Variants in CEP135 observed in about 807,000 individuals in gnomAD.
CEP135 encodes the protein centrosomal protein of 135 kDa.
Under a neutral mutation model 157.3 loss-of-function variants are expected in CEP135, and 142 were observed. That is an observed-to-expected ratio of 0.90 (90% CI 0.79 to 1.04). CEP135 has a LOEUF of 1.04. Ranked by LOEUF, CEP135 falls within the 50% of genes least tolerant of loss-of-function variation. CEP135 has a pLI of 0.00. For missense variants in CEP135, 1,317 were observed against 1,309.2 expected (o/e 1.01, Z -0.09); for synonymous variants, 396 against 439.8 (o/e 0.90, Z 1.25).
chr4:55,965,975 T>G (rs1245313107), intron 8 of CEP135, 116 bp downstream of exon 8: 1 of 845,272 alleles, frequency 1.2e-6, no homozygotes, highest in East Asian at 2.7e-5. Context: ...TGTGTCTGTT[T>G]TTGTTTTTTT....
At chr4:55,971,777 C>T (rs1172394663) in intron 10 of CEP135, among the ~76,000 whole-genome samples, 1 of 152,120 alleles carries the variant, frequency 6.6e-6, no homozygotes, top group African/African-American at 2.4e-5. Flanking sequence ...AAAATACACA[C>T]ACATAAACAC....
rs372648573 is a variant in CEP135, at chr4:55,978,317, A to G, written c.1474-1826A>G. Among the ~76,000 whole-genome samples the G allele has an allele frequency of 7.9e-5, 12 of 152,338 alleles. No homozygotes were observed. The South Asian group carries it at 2.5e-3, about 32-fold the overall frequency. ...ATACACATTAAATGCACAATCATGT[A>G]CATAACCTTATAACCTCATTTATAA... On this transcript the variant is annotated intron_variant, in intron 11 of 25. Coordinates refer to ENST00000257287, the MANE Select transcript of CEP135 (RefSeq NM_025009.5).
chr4:56,009,976 T>C, intron 19 of CEP135, 73 bp downstream of exon 19: 3 of 1,415,962 alleles, frequency 2.1e-6, no homozygotes, highest in Non-Finnish European at 2.9e-6. Flanking sequence ...GCTCTAAATA[T>C]TTTTTCTAAA....
chr4:56,023,003 A>T (rs575276896), intron 24 of CEP135, among the ~76,000 whole-genome samples: 1 of 152,096 alleles, frequency 6.6e-6, no homozygotes, highest in East Asian at 1.9e-4. Flanking sequence ...AGGCTGAGGC[A>T]GGAGGATCGC....
chr4:56,012,875 G>A (rs953126206), intron 21 of CEP135, among the ~76,000 whole-genome samples: 7 of 152,042 alleles, frequency 4.6e-5, no homozygotes, highest in South Asian at 2.1e-4. Flanking sequence ...ATATCTGTTC[G>A]GGTGCTTGCT....
chr4:56,008,449 C>CACTG, intron 18 of CEP135, 67 bp downstream of exon 18: 2 of 1,205,908 alleles, frequency 1.7e-6, no homozygotes, highest in Non-Finnish European at 2.4e-6. Context: ...TTTATCTATT[C>CACTG]AGTAGCATTG....
intron 21 of CEP135, among the ~76,000 whole-genome samples, chr4:56,014,214 C>T (rs1353976586): frequency 6.6e-6 from 1 of 152,184 alleles, no homozygotes; most frequent in Non-Finnish European, 1.5e-5. Context: ...GAAACTAATA[C>T]AGATTATAGC....
At chr4:56,024,697 G>A (rs62308620) in intron 25 of CEP135, 83 bp downstream of exon 25, 1 of 932,010 alleles carries the variant, frequency 1.1e-6, no homozygotes, top group Non-Finnish European at 1.7e-6. Flanking sequence ...CAGGAAAGGG[G>A]AGATTGCCTG....
At position 55,985,298 on chromosome 4, in the gene CEP135, T is replaced by C. The variant is rs779049767; in HGVS notation, c.1797T>C (p.Ser599=). Residue 599 remains serine, a synonymous_variant, in exon 14 of 26, where the codon AGT becomes AGC. Coordinates refer to ENST00000257287, the MANE Select transcript of CEP135 (RefSeq NM_025009.5). ...REKLEHIEEV[S]LFGKSELEKT... ...TTTTTCAGCATATTGAAGAAGTGAG[T>C]CTTTTTGGAAAATCAGAATTAGAGA... 1 of 1,584,418 alleles carries C rather than the reference T, an allele frequency of 6.3e-7. No homozygotes were observed. Among genetic ancestry groups the C allele is most frequent in the East Asian group, 2.2e-5 (1 of 44,472 alleles).
intron 25 of CEP135, among the ~76,000 whole-genome samples, chr4:56,026,572 A>G (rs896487165): frequency 3.3e-5 from 5 of 152,188 alleles, no homozygotes; most frequent in African/African-American, 9.6e-5. Context: ...CTACAATCCA[A>G]TTACTCCTCC....
intron 6 of CEP135, among the ~76,000 whole-genome samples, chr4:55,962,730 C>CTTTTTTTTTTTTTTTTTCTTTTT (rs56378859): frequency 8.0e-6 from 1 of 125,370 alleles, no homozygotes; most frequent in Non-Finnish European, 1.7e-5. Context: ...TTTTAAGCCT[C>CTTTTTTTTTTTTTTTTTCTTTTT]TTTTTTTTTT....
chr4:55,984,234 C>T (rs1035466723), intron 13 of CEP135, among the ~76,000 whole-genome samples: 3 of 152,182 alleles, frequency 2.0e-5, no homozygotes, highest in Admixed American at 6.5e-5. Flanking sequence ...CACAAGACTC[C>T]AGGCTTAATG....
Position 56,006,890 on chromosome 4 carries a change from GTTGTTT to G in CEP135, c.2281-1422_2281-1417del, listed in dbSNP as rs369148786. On this transcript the variant is annotated intron_variant, in intron 17 of 25. Coordinates refer to ENST00000257287, the MANE Select transcript of CEP135 (RefSeq NM_025009.5). ...TTCTCTGTCTGGCTTGTTTTTTGTTGTTGTTTTTGTTTTTGTTTTTTGAGACAGAGT... is the reference window on the plus strand; with the variant it reads ...TTCTCTGTCTGGCTTGTTTTTTGTTGTTGTTTTTGTTTTTTGAGACAGAGT... Among the ~76,000 whole-genome samples the G allele has an allele frequency of 6.9e-3, 1,042 of 151,936 alleles. 10 individuals are homozygous for G. The highest frequency in any genetic ancestry group is 0.024 in the African/African-American group (985 of 41,448).
At chr4:56,008,104 A>G (rs967996081) in intron 17 of CEP135, among the ~76,000 whole-genome samples, 6 of 152,194 alleles carry the variant, frequency 3.9e-5, no homozygotes, top group African/African-American at 1.2e-4. Context: ...ATTTTATCAG[A>G]TCTCATTAAA....
intron 19 of CEP135, 145 bp downstream of exon 19, chr4:56,010,048 G>A: frequency 1.1e-6 from 1 of 934,826 alleles, no homozygotes. Flanking sequence ...GTTTATCAGG[G>A]TATTAAAAAA....
chr4:55,996,651 C>T (rs1729978734), intron 15 of CEP135, among the ~76,000 whole-genome samples: 3 of 151,822 alleles, frequency 2.0e-5, no homozygotes, highest in Admixed American at 2.0e-4. Flanking sequence ...TAGTGGTAGG[C>T]TATAACCATA....
At chr4:55,988,655 G>A (rs1236992431) in intron 14 of CEP135, among the ~76,000 whole-genome samples, 10 of 144,432 alleles carry the variant, frequency 6.9e-5, no homozygotes, top group Non-Finnish European at 1.3e-4. Context: ...GCAAGACTCC[G>A]TCTCAGAAAA....
chr4:56,001,655 T>C (rs897304921), intron 17 of CEP135, among the ~76,000 whole-genome samples: 1 of 152,130 alleles, frequency 6.6e-6, no homozygotes, highest in African/African-American at 2.4e-5. Flanking sequence ...ATTGGATAGC[T>C]GTATGGTATA....
intron 14 of CEP135, 131 bp from the exon 15 acceptor site, chr4:55,991,803 A>G: frequency 1.7e-6 from 1 of 579,928 alleles, no homozygotes; most frequent in South Asian, 3.1e-5. Flanking sequence ...TGTACACATG[A>G]CTTATAAAGT....
Sources: gnomAD v4.1 joint callset for allele counts (sites outside exome capture counted in the v4.1 genomes callset) on GRCh38, gnomAD v4.1.1 for gene constraint, MANE v1.5 for transcripts, NCBI Gene and HGNC (gene_info 2026-07-23, HGNC 2026-07-21) for gene names.